The following APOLD1 variants were observed in gnomAD, a reference collection of about 807,000 sequenced individuals.
APOLD1 encodes apolipoprotein L domain-containing protein 1.
A neutral mutation model predicts 15.3 loss-of-function variants in APOLD1; 22 were observed. That is an observed-to-expected ratio of 1.44 (90% CI 1.03 to 2.05). The LOEUF is 2.05. Among genes scored for constraint, APOLD1 ranks in the 30% most tolerant of loss-of-function variants. The pLI, the probability that APOLD1 is intolerant of heterozygous loss-of-function variation, is 0.00. For missense variants in APOLD1, 394 were observed against 353.5 expected (o/e 1.11, Z -0.92); for synonymous variants, 190 against 167.4 (o/e 1.13, Z -1.04).
exon 1 of APOLD1, chr12:12,726,011 C>A: frequency 6.6e-7 from 1 of 1,518,892 alleles, no homozygotes; most frequent in Non-Finnish European, 8.8e-7. Flanking sequence ...ATGTTCCGCG[C>A]GCCGTGTCAC....
intron 1 of APOLD1, among the ~76,000 whole-genome samples, chr12:12,737,845 A>G (rs1016196595): frequency 6.6e-6 from 1 of 152,190 alleles, no homozygotes; most frequent in Non-Finnish European, 1.5e-5. Flanking sequence ...AGCAAGATTC[A>G]GTGAATGCTT....
chr12:12,751,648 C>G (rs111289907), intron 1 of APOLD1, among the ~76,000 whole-genome samples: 7 of 152,192 alleles, frequency 4.6e-5, no homozygotes, highest in Non-Finnish European at 1.0e-4. Flanking sequence ...AGCACGCCCA[C>G]CCAGGAGTGA....
intron 1 of APOLD1, among the ~76,000 whole-genome samples, chr12:12,727,943 A>G (rs1370647590): frequency 4.0e-5 from 6 of 150,204 alleles, no homozygotes; most frequent in Non-Finnish European, 5.9e-5. Context: ...TCTAACACCT[A>G]CTGTTTAATC....
intron 1 of APOLD1, among the ~76,000 whole-genome samples, chr12:12,772,244 A>G (rs1053801373): frequency 1.6e-4 from 25 of 152,214 alleles, no homozygotes; most frequent in African/African-American, 5.8e-4. Flanking sequence ...TATGTTGTAT[A>G]TAAGAAACCC....
intron 1 of APOLD1, among the ~76,000 whole-genome samples, chr12:12,786,218 G>A (rs1947122725): frequency 6.6e-6 from 1 of 152,144 alleles, no homozygotes. Flanking sequence ...ATGTGACTTA[G>A]TTTAAATCAA....
intron 1 of APOLD1, among the ~76,000 whole-genome samples, chr12:12,755,031 G>A (rs1453967002): frequency 4.6e-5 from 7 of 151,996 alleles, no homozygotes; most frequent in Admixed American, 1.3e-4. Context: ...GGGCGACAGA[G>A]TGAGGCCCTC....
At chr12:12,754,113 G>A (rs1946836188) in intron 1 of APOLD1, among the ~76,000 whole-genome samples, 1 of 143,628 alleles carries the variant, frequency 7.0e-6, no homozygotes, top group South Asian at 2.2e-4. Flanking sequence ...TGAGGCAGGA[G>A]GCTCACTCGA....
intron 1 of APOLD1, among the ~76,000 whole-genome samples, chr12:12,739,696 C>T (rs548602718): frequency 6.6e-6 from 1 of 151,988 alleles, no homozygotes; most frequent in East Asian, 1.9e-4. Context: ...AATTTTATAC[C>T]TTTAATTACA....
chr12:12,747,196 C>T (rs1466295413), intron 1 of APOLD1, among the ~76,000 whole-genome samples: 4 of 152,092 alleles, frequency 2.6e-5, no homozygotes, highest in Non-Finnish European at 4.4e-5. Flanking sequence ...ACTGTAGCTT[C>T]GAATTCTTGG....
intron 1 of APOLD1, among the ~76,000 whole-genome samples, chr12:12,767,392 T>C (rs995317270): frequency 3.3e-5 from 5 of 152,268 alleles, no homozygotes; most frequent in African/African-American, 9.6e-5. Flanking sequence ...CCAGGTGCGG[T>C]GGCTCACACC....
At chr12:12,773,197 A>G (rs988995430) in intron 1 of APOLD1, among the ~76,000 whole-genome samples, 2 of 152,252 alleles carry the variant, frequency 1.3e-5, no homozygotes, top group African/African-American at 4.8e-5. Flanking sequence ...AAAAGAAGAA[A>G]GATCTAAAAA....
In APOLD1 at chr12:12,789,756, G is replaced by A. The variant is rs1321385088; in HGVS notation, c.*2104G>A. On this transcript the variant is annotated 3_prime_UTR_variant, in exon 2 of 2. Transcript: ENST00000356591. Reference sequence around the variant, plus strand: ...TTGGGACCATACATGCAAAAACGGTGCCTCTGTTACTTAATTATTTAATAT... The same window carrying A: ...TTGGGACCATACATGCAAAAACGGTACCTCTGTTACTTAATTATTTAATAT... 1 of 152,152 alleles carries A rather than the reference G, an allele frequency of 6.6e-6. No homozygotes were observed. The highest frequency in any genetic ancestry group is 1.5e-5 in the Non-Finnish European group (1 of 68,028). 9.4% of individuals were successfully genotyped at this position (152,152 alleles called of 1,614,324 possible).
chr12:12,746,510 A>AATAAATAAATAC (rs57489224), intron 1 of APOLD1, among the ~76,000 whole-genome samples: 88,391 of 149,548 alleles, frequency 0.59, 28,432 homozygotes, highest in Non-Finnish European at 0.71. Flanking sequence ...TAAATAAATA[A>AATAAATAAATAC]ATAAATACAT....
chr12:12,740,690 C>A (rs1946724050), intron 1 of APOLD1, among the ~76,000 whole-genome samples: 1 of 152,180 alleles, frequency 6.6e-6, no homozygotes, highest in Non-Finnish European at 1.5e-5. Context: ...TCCCTCCAGG[C>A]AGTGACTTTC....
At position 12,730,026 on chromosome 12, in the gene APOLD1, T is replaced by TTG. The variant is rs749843349; in HGVS notation, c.96+3981_96+3982dup. Among the ~76,000 whole-genome samples the TTG allele has an allele frequency of 8.6e-4, 101 of 117,804 alleles. 1 individual carries two copies. Among genetic ancestry groups the TTG allele is most frequent in the African/African-American group, 3.1e-3 (92 of 29,292 alleles). The allele number at this position is 117,804 out of a possible 152,430, so 77.3% of individuals were successfully genotyped here. On this transcript the variant is annotated intron_variant, in intron 1 of 1. Transcript: ENST00000326765. The stretch of plus-strand genomic sequence containing the variant: ...TGCACACCACCATGCCCAGCTAACT[T>TTG]TGTGTGTGTGTGTGTGTGTGTGTGT...
At chr12:12,732,729 C>CAAAAA (rs34221371) in intron 1 of APOLD1, among the ~76,000 whole-genome samples, 1 of 87,664 alleles carries the variant, frequency 1.1e-5, no homozygotes, top group Non-Finnish European at 2.6e-5. Flanking sequence ...GACTCTGTCT[C>CAAAAA]AAAAAAAAAA....
chr12:12,767,990 TTGGTCAGGC>T (rs1001563734), intron 1 of APOLD1, among the ~76,000 whole-genome samples: 3 of 152,084 alleles, frequency 2.0e-5, no homozygotes, highest in Admixed American at 2.0e-4. Context: ...TTTCACCATA[TTGGTCAGGC>T]TGGTCTTGAA....
intron 1 of APOLD1, among the ~76,000 whole-genome samples, chr12:12,750,394 A>AAAAG (rs71064320): frequency 5.4e-5 from 8 of 147,980 alleles, no homozygotes; most frequent in Non-Finnish European, 1.0e-4. Context: ...AAAAAAAAAA[A>AAAAG]GGAAATTGGG....
intron 1 of APOLD1, among the ~76,000 whole-genome samples, chr12:12,771,056 C>A (rs1045314308): frequency 6.6e-6 from 1 of 151,922 alleles, no homozygotes; most frequent in Non-Finnish European, 1.5e-5. Flanking sequence ...CTCAGACAAA[C>A]AAAAATTGGG....
Sources: allele counts gnomAD v4.1 joint callset (sites outside exome capture counted in the v4.1 genomes callset), GRCh38; gene constraint gnomAD v4.1.1; transcripts MANE v1.5; gene names NCBI Gene and HGNC (gene_info 2026-07-23, HGNC 2026-07-21).